PTPN4: variants seen among roughly 807,000 people sequenced by gnomAD.
The protein encoded by PTPN4 is tyrosine-protein phosphatase non-receptor type 4.
A neutral mutation model predicts 135.5 loss-of-function variants in PTPN4; 49 were observed. That is an observed-to-expected ratio of 0.36 (90% CI 0.29 to 0.46). PTPN4 has a LOEUF of 0.46. PTPN4 is among the 20% of genes least tolerant of loss of function. The pLI, the probability that PTPN4 is intolerant of heterozygous loss-of-function variation, is 1.00. For synonymous variants in PTPN4, 333 were observed against 369.9 expected (o/e 0.90, Z 1.14); for missense variants, 860 against 1,101.0 (o/e 0.78, Z 3.10).
At chr2:119,963,069 A>G (rs1304941356) in intron 24 of PTPN4, among the ~76,000 whole-genome samples, 1 of 152,218 alleles carries the variant, frequency 6.6e-6, no homozygotes, top group African/African-American at 2.4e-5. Flanking sequence ...TTTTACTCCA[A>G]GTAGTATCAG....
At chr2:119,851,651 AT>A (rs983994297) in intron 2 of PTPN4, among the ~76,000 whole-genome samples, 6 of 152,022 alleles carry the variant, frequency 3.9e-5, no homozygotes, top group African/African-American at 1.4e-4. Context: ...AGGCTCTGCT[AT>A]TTTGTCTCTT....
chr2:119,924,247 T>G (rs1000133843), intron 12 of PTPN4, among the ~76,000 whole-genome samples: 2 of 151,752 alleles, frequency 1.3e-5, no homozygotes, highest in African/African-American at 4.9e-5. Flanking sequence ...TTTCTTCATC[T>G]TTTTTCCTTT....
At position 119,962,748 on chromosome 2, in the gene PTPN4, A is replaced by G. The variant is rs1337973035; in HGVS notation, c.2409+4A>G. The G allele has an allele frequency of 6.4e-7, 1 of 1,569,010 alleles. No homozygotes were observed. The highest frequency in any genetic ancestry group is 1.2e-5 in the South Asian group (1 of 84,782). On this transcript the variant is annotated splice_donor_region_variant and intron_variant, in intron 24 of 26. Coordinates refer to ENST00000263708, the MANE Select transcript of PTPN4 (RefSeq NM_002830.4). Reference sequence around the variant, plus strand: ...GATGACCCTATTTAACCAAGAGGTAAGAAGGCAGGATATCTGTTCATTAGA... The same window carrying G: ...GATGACCCTATTTAACCAAGAGGTAGGAAGGCAGGATATCTGTTCATTAGA...
rs562096558 is a variant in PTPN4, at chr2:119,974,272, C to T, written c.2695-2712C>T. ...TGTTGCCCAGGCTGGAGTGCAATGGCGCAATCTTGGCTCACTGCAACCTCC... is the reference window on the plus strand; with the variant it reads ...TGTTGCCCAGGCTGGAGTGCAATGGTGCAATCTTGGCTCACTGCAACCTCC... On this transcript the variant is annotated intron_variant, in intron 26 of 26. Transcript: ENST00000263708. Among the ~76,000 whole-genome samples the T allele has an allele frequency of 5.2e-4, 79 of 152,158 alleles. 1 individual carries two copies. In the South Asian group the frequency reaches 0.014, roughly 27 times the overall value.
intron 1 of PTPN4, among the ~76,000 whole-genome samples, chr2:119,773,101 T>C (rs977853589): frequency 3.3e-5 from 5 of 152,226 alleles, no homozygotes; most frequent in Admixed American, 1.3e-4. Flanking sequence ...TAGTTGAACA[T>C]TTTTTCATGT....
At chr2:119,915,633 A>G (rs1187111108) in intron 11 of PTPN4, 1 of 154,288 alleles carries the variant, frequency 6.5e-6, no homozygotes, top group Non-Finnish European at 1.4e-5. Flanking sequence ...GAGTGTTACA[A>G]GTTCATGAAC....
chr2:119,788,652 C>T (rs561170423), intron 1 of PTPN4, among the ~76,000 whole-genome samples: 3 of 152,220 alleles, frequency 2.0e-5, no homozygotes, highest in South Asian at 4.2e-4. Context: ...TACTAGGTTC[C>T]TCATATAATG....
At chr2:119,838,414 T>G (rs189613225) in intron 2 of PTPN4, among the ~76,000 whole-genome samples, 18 of 152,320 alleles carry the variant, frequency 1.2e-4, no homozygotes, top group African/African-American at 4.3e-4. Context: ...CATTAATATT[T>G]ACTGTTTCCA....
At chr2:119,883,207 T>C (rs868738345) in intron 8 of PTPN4, among the ~76,000 whole-genome samples, 1 of 152,126 alleles carries the variant, frequency 6.6e-6, no homozygotes, top group Admixed American at 6.5e-5. Flanking sequence ...CTTTGTTTCA[T>C]ACACAGAATT....
chr2:119,817,847 G>A (rs140052432), intron 2 of PTPN4, among the ~76,000 whole-genome samples: 92 of 152,184 alleles, frequency 6.0e-4, no homozygotes, highest in Middle Eastern at 6.8e-3. Context: ...TCTTTGAGCC[G>A]TCGTTTGTAG....
intron 3 of PTPN4, among the ~76,000 whole-genome samples, chr2:119,866,540 A>G (rs1443645986): frequency 6.6e-6 from 1 of 152,148 alleles, no homozygotes; most frequent in Admixed American, 6.5e-5. Flanking sequence ...TTGCCTTTCA[A>G]ATAAGTTTCC....
chr2:119,826,345 T>C (rs1311262489), intron 2 of PTPN4, among the ~76,000 whole-genome samples: 3 of 152,216 alleles, frequency 2.0e-5, no homozygotes, highest in Non-Finnish European at 4.4e-5. Flanking sequence ...TTTCTAAAGC[T>C]GAATGAGAAA....
At position 119,945,125 on chromosome 2, in the gene PTPN4, CCAAA is replaced by C. The variant is rs758611912; in HGVS notation, c.1403_1406del (p.Lys468SerfsTer19). ...GATGGGAAGCCTCCAGCTTTACCAC[CCAAA>C]CAGTCAAAGAAAAACAGTTGGAACC... is the stretch of plus-strand genomic sequence containing the variant. On this transcript the variant is annotated frameshift_variant, in exon 16 of 27. Coordinates refer to ENST00000263708, the MANE Select transcript of PTPN4 (RefSeq NM_002830.4). LOFTEE classifies it high-confidence loss of function. 6.2e-7 allele frequency: 1 copy of C among 1,607,420 alleles called. No individual in the cohort carries two copies. The highest frequency in any genetic ancestry group is 1.1e-5 in the South Asian group (1 of 89,284).
chr2:119,882,351 A>G, intron 7 of PTPN4, 152 bp from the exon 8 acceptor site: 1 of 996,338 alleles, frequency 1.0e-6, no homozygotes, highest in Non-Finnish European at 1.5e-6. Flanking sequence ...ACCAAGAAGA[A>G]TGTTAAATGG....
At chr2:119,961,863 G>T (rs776827135) in intron 23 of PTPN4, among the ~76,000 whole-genome samples, 5 of 152,152 alleles carry the variant, frequency 3.3e-5, no homozygotes, top group Non-Finnish European at 5.9e-5. Context: ...TAGATCAGTG[G>T]TGGTCTAGAT....
Position 119,885,828 on chromosome 2 carries a change from C to G in PTPN4, c.621C>G (p.Tyr207Ter). The G allele has an allele frequency of 6.2e-7, 1 of 1,604,136 alleles. No homozygotes were observed. The highest frequency in any genetic ancestry group is 8.5e-7 in the Non-Finnish European group (1 of 1,176,424). ...GLSPAEAEFN[Y>*]LNTARTLELY... ...CTCCTGCAGAAGCAGAATTTAATTA[C>G]CTAAACACAGCACGTACCTTAGAAC... is the stretch of plus-strand genomic sequence containing the variant. The change falls in exon 9 of 27, where the codon TAC (tyrosine) becomes TAG (stop). Residue 207 changes from tyrosine to a stop codon, truncating the protein, a stop_gained. Transcript: ENST00000263708. LOFTEE classifies it high-confidence loss of function.
chr2:119,942,049 T>A (rs1040162055), intron 15 of PTPN4, among the ~76,000 whole-genome samples: 2 of 152,222 alleles, frequency 1.3e-5, no homozygotes, highest in African/African-American at 4.8e-5. Context: ...TGTAATTGTT[T>A]AACTCAATTA....
intron 22 of PTPN4, 34 bp from the exon 23 acceptor site, chr2:119,960,773 A>C: frequency 3.8e-6 from 6 of 1,598,730 alleles, no homozygotes; most frequent in Non-Finnish European, 4.3e-6. Context: ...AAAGTAATGC[A>C]AAACATTTTA....
chr2:119,855,566 G>A (rs956697524), intron 2 of PTPN4, among the ~76,000 whole-genome samples: 3 of 152,134 alleles, frequency 2.0e-5, no homozygotes, highest in Admixed American at 6.5e-5. Context: ...AGTCATTTAC[G>A]ATGCCGTTTG....
Sources: gnomAD v4.1 joint callset for allele counts (sites outside exome capture counted in the v4.1 genomes callset) on GRCh38, gnomAD v4.1.1 for gene constraint, MANE v1.5 for transcripts, NCBI Gene and HGNC (gene_info 2026-07-23, HGNC 2026-07-21) for gene names.